LRBA: variants seen among roughly 807,000 people sequenced by gnomAD.
LRBA encodes the protein LPS responsive beige-like anchor protein.
In LRBA, 176 loss-of-function variants were observed where a neutral mutation model predicts 330.0. The ratio of observed to expected loss-of-function variants is 0.53; its 90% CI spans 0.47 to 0.60. The LOEUF (loss-of-function observed/expected upper bound fraction) is 0.60. Ranked by LOEUF, LRBA falls within the 20% of genes least tolerant of loss-of-function variation. LRBA has a pLI of 0.00. For synonymous variants in LRBA, 1,230 were observed against 1,193.0 expected, an observed-to-expected ratio of 1.03 and a Z score of -0.64; for missense variants, 3,259 against 3,444.8, an observed-to-expected ratio of 0.95 and a Z score of 1.35.
chr4:150,907,863 G>C (rs1023174124), intron 11 of LRBA, among the ~76,000 whole-genome samples: 1 of 151,946 alleles, frequency 6.6e-6, no homozygotes, highest in African/African-American at 2.4e-5. Context: ...TTTTCAAAAA[G>C]ACTAATTCAC....
chr4:150,670,799 T>G (rs186897075), intron 37 of LRBA, among the ~76,000 whole-genome samples: 84 of 152,300 alleles, frequency 5.5e-4, no homozygotes, highest in African/African-American at 1.8e-3. Context: ...TAGAGTTTCC[T>G]CTCCTTATTT....
rs1274254064 is a variant in LRBA at position 150,285,936 on chromosome 4, G to C, written c.8116C>G (p.Gln2706Glu). 1 of 1,565,484 alleles carries C rather than the reference G, an allele frequency of 6.4e-7. No homozygotes were observed. The highest frequency in any genetic ancestry group is 1.4e-5 in the African/African-American group (1 of 73,302). ...TGTGAAGGTACCACAGGTTTACCTT[G>C]TGAACCACTCAACACCAGGCCTAGC... ...AELGLVLSGS[Q>E]EGPCLIHSMN... The change falls in exon 54 of 57, where the codon CAA (glutamine) becomes GAA (glutamate). Residue 2706 changes from glutamine (Q) to glutamate (E), a missense_variant. By Grantham distance (29) the Gln-to-Glu change is conservative (BLOSUM62 2). Coordinates refer to ENST00000651943, the MANE Select transcript of LRBA (RefSeq NM_001364905.1).
intron 48 of LRBA, 41 bp from the exon 49 acceptor site, chr4:150,325,939 A>C (rs904932416): frequency 9.5e-7 from 1 of 1,049,940 alleles, no homozygotes. Context: ...AAGAGGTGCT[A>C]ATTACAGGAA....
chr4:150,926,254 T>C (rs564763638), intron 4 of LRBA, among the ~76,000 whole-genome samples: 10 of 152,162 alleles, frequency 6.6e-5, no homozygotes, highest in Non-Finnish European at 1.3e-4. Flanking sequence ...CCAAAACTAA[T>C]ACAGAGCTAG....
intron 52 of LRBA, among the ~76,000 whole-genome samples, chr4:150,306,286 T>C (rs1340398306): frequency 6.6e-6 from 1 of 152,180 alleles, no homozygotes; most frequent in African/African-American, 2.4e-5. Flanking sequence ...GGATTTTTTT[T>C]TTTGGCTTGT....
intron 51 of LRBA, 118 bp downstream of exon 51, chr4:150,315,443 T>G: frequency 1.2e-6 from 1 of 834,600 alleles, no homozygotes; most frequent in South Asian, 1.4e-5. Flanking sequence ...TGCATGCAAA[T>G]GGTTTATCAG....
chr4:151,009,613 A>G (rs761534101), intron 2 of LRBA, among the ~76,000 whole-genome samples: 103 of 151,126 alleles, frequency 6.8e-4, no homozygotes, highest in Middle Eastern at 6.9e-3. Flanking sequence ...TACTCAGGAG[A>G]CTGAGGCAGG....
intron 37 of LRBA, among the ~76,000 whole-genome samples, chr4:150,661,079 A>T (rs1167925071): frequency 0.022 from 120 of 5,434 alleles, no homozygotes; most frequent in South Asian, 0.12. Flanking sequence ...AAAATAAATT[A>T]AAAAAAAAAA....
intron 2 of LRBA, among the ~76,000 whole-genome samples, chr4:150,994,276 G>T (rs1386985923): frequency 6.6e-6 from 1 of 152,042 alleles, no homozygotes; most frequent in Non-Finnish European, 1.5e-5. Context: ...GGCTGCCTGA[G>T]GTTCAACATC....
intron 40 of LRBA, among the ~76,000 whole-genome samples, chr4:150,510,279 AC>A (rs1240426004): frequency 1.3e-5 from 2 of 152,236 alleles, no homozygotes; most frequent in African/African-American, 4.8e-5. Context: ...AGCAGACTAC[AC>A]TGGTAAATTC....
At chr4:150,860,472 A>G (rs1449193596) in intron 22 of LRBA, among the ~76,000 whole-genome samples, 1 of 152,148 alleles carries the variant, frequency 6.6e-6, no homozygotes, top group Non-Finnish European at 1.5e-5. Flanking sequence ...ACCTCTCCTT[A>G]AAGCAACTAT....
In LRBA at chr4:150,828,550, G is replaced by C. The variant is rs1484948342; in HGVS notation, c.4801C>G (p.Arg1601Gly). ...VEESESTSSA[R>G]RRDSGIGEET... ...TCCCCAATGCCTGAGTCCCTCCTTC[G>C]AGCAGATGATGTGCTTTCAGATTCT... Residue 1601 changes from arginine (R) to glycine (G), a missense_variant, in exon 30 of 57, where the codon CGA becomes GGA. Physicochemically the swap from Arg to Gly is moderately radical, Grantham distance 125 (BLOSUM62 -2). Transcript: ENST00000651943. The C allele has an allele frequency of 6.2e-7, 1 of 1,614,004 alleles. No individual in the cohort carries two copies. Among genetic ancestry groups the C allele is most frequent in the Non-Finnish European group, 8.5e-7 (1 of 1,179,980 alleles).
chr4:150,519,199 C>CT (rs998301645), intron 40 of LRBA, among the ~76,000 whole-genome samples: 8 of 151,154 alleles, frequency 5.3e-5, no homozygotes, highest in Admixed American at 6.6e-5. Flanking sequence ...ATCCATTATT[C>CT]TTTTTTTTTA....
At chr4:150,749,113 T>C (rs1733176420) in intron 35 of LRBA, among the ~76,000 whole-genome samples, 1 of 152,006 alleles carries the variant, frequency 6.6e-6, no homozygotes, top group Admixed American at 6.6e-5. Context: ...TAAAATTACC[T>C]CAAAATGGAT....
At chr4:150,939,775 G>A (rs1388603870) in intron 2 of LRBA, among the ~76,000 whole-genome samples, 10 of 152,086 alleles carry the variant, frequency 6.6e-5, no homozygotes, top group South Asian at 2.1e-4. Context: ...AGAGGTTTGC[G>A]GAATGGATAC....
At chr4:150,467,230 T>C (rs754933046) in intron 44 of LRBA, among the ~76,000 whole-genome samples, 25 of 152,112 alleles carry the variant, frequency 1.6e-4, no homozygotes, top group South Asian at 4.1e-4. Flanking sequence ...TTTGATACCA[T>C]TGGAGAATGC....
Position 150,955,606 on chromosome 4 carries a change from C to T in LRBA, c.217-26541G>A, listed in dbSNP as rs376857002. On this transcript the variant is annotated intron_variant, in intron 2 of 56. Coordinates refer to ENST00000651943, the MANE Select transcript of LRBA (RefSeq NM_001364905.1). The stretch of plus-strand genomic sequence containing the variant: ...CCCATCTCAATAATAATAATAATGA[C>T]GTAGGCCGGGCGCCGTGGCTCACAC... 7.5e-5 allele frequency among the ~76,000 whole-genome samples: 11 copies of T among 147,212 alleles called. No homozygotes were observed. In the East Asian group the frequency reaches 1.8e-3, roughly 24 times the overall value.
At chr4:150,512,716 A>AG (rs1469689060) in intron 40 of LRBA, among the ~76,000 whole-genome samples, 5 of 91,510 alleles carry the variant, frequency 5.5e-5, no homozygotes, top group Non-Finnish European at 1.0e-4. Context: ...GTGCTTTTTG[A>AG]GAAAAAAAAA....
intron 9 of LRBA, among the ~76,000 whole-genome samples, chr4:150,913,162 C>G (rs1732201172): frequency 2.6e-5 from 4 of 152,122 alleles, no homozygotes; most frequent in South Asian, 2.1e-4. Flanking sequence ...GGAGAATGTT[C>G]TGTGTGTGCT....
Sources: allele counts gnomAD v4.1 joint callset (sites outside exome capture counted in the v4.1 genomes callset), GRCh38; gene constraint gnomAD v4.1.1; transcripts MANE v1.5; gene names NCBI Gene and HGNC (gene_info 2026-07-23, HGNC 2026-07-21).